The following COG5 variants were observed in gnomAD, a reference collection of about 807,000 sequenced individuals.
The protein encoded by COG5 is component of oligomeric golgi complex 5.
In COG5, 86 loss-of-function variants were observed where a neutral mutation model predicts 110.4. The ratio of observed to expected loss-of-function variants is 0.78; its 90% CI spans 0.65 to 0.93. The LOEUF (loss-of-function observed/expected upper bound fraction) is 0.93. Ranked by LOEUF, COG5 falls within the 40% of genes least tolerant of loss-of-function variation. The pLI, the probability that COG5 is intolerant of heterozygous loss-of-function variation, is 0.00. For synonymous variants in COG5, 360 were observed against 334.6 expected, an observed-to-expected ratio of 1.08 and a Z score of -0.83; for missense variants, 1,077 against 987.0, an observed-to-expected ratio of 1.09 and a Z score of -1.22.
chr7:107,206,361 T>C (rs1584519462), intron 21 of COG5, among the ~76,000 whole-genome samples: 1 of 152,346 alleles, frequency 6.6e-6, no homozygotes, highest in South Asian at 2.1e-4. Context: ...CAAGATGGAA[T>C]TTAGTGCTCT....
intron 6 of COG5, among the ~76,000 whole-genome samples, chr7:107,429,050 T>C (rs1308673093): frequency 1.3e-5 from 2 of 152,190 alleles, no homozygotes; most frequent in Admixed American, 6.5e-5. Context: ...TTGTCTGCTG[T>C]TTAAAAAAAG....
intron 1 of COG5, 134 bp downstream of exon 1, chr7:107,563,668 GC>G (rs1444903494): frequency 2.3e-4 from 219 of 960,146 alleles, no homozygotes; most frequent in South Asian, 2.7e-4. Flanking sequence ...AAGCCAGGGG[GC>G]CGGGCGGAGG....
chr7:107,459,243 G>A (rs1249331724), intron 6 of COG5, among the ~76,000 whole-genome samples: 1 of 151,952 alleles, frequency 6.6e-6, no homozygotes, highest in East Asian at 1.9e-4. Flanking sequence ...TAAAAGTGAA[G>A]GTTAAAAAAT....
intron 10 of COG5, among the ~76,000 whole-genome samples, chr7:107,339,947 T>C (rs774702735): frequency 2.6e-5 from 4 of 151,614 alleles, no homozygotes; most frequent in East Asian, 3.9e-4. Context: ...ACATCACACA[T>C]AGAGGAGCTA....
chr7:107,333,884 G>C (rs1675462292), intron 10 of COG5, among the ~76,000 whole-genome samples: 2 of 152,112 alleles, frequency 1.3e-5, no homozygotes, highest in Admixed American at 6.5e-5. Context: ...TACTTACCTA[G>C]AGATCACTGT....
chr7:107,468,898 C>G (rs993653363), intron 6 of COG5, among the ~76,000 whole-genome samples: 1 of 151,716 alleles, frequency 6.6e-6, no homozygotes, highest in African/African-American at 2.4e-5. Flanking sequence ...GTTTTATCTA[C>G]TTAAGTCTAA....
chr7:107,504,189 G>A (rs1196942792), intron 6 of COG5, among the ~76,000 whole-genome samples: 2 of 152,206 alleles, frequency 1.3e-5, no homozygotes, highest in South Asian at 4.1e-4. Context: ...CTAGTTTGTT[G>A]AGGGTTTTTT....
At chr7:107,533,002 T>C (rs1801320389) in intron 5 of COG5, among the ~76,000 whole-genome samples, 1 of 147,918 alleles carries the variant, frequency 6.8e-6, no homozygotes. Flanking sequence ...TTTGCTGTTC[T>C]GCAGCCTCCA....
intron 6 of COG5, among the ~76,000 whole-genome samples, chr7:107,510,770 T>G (rs1012265749): frequency 7.2e-5 from 11 of 152,176 alleles, no homozygotes; most frequent in African/African-American, 2.7e-4. Flanking sequence ...ACATGGAAAC[T>G]GAACAACCTG....
At chr7:107,533,664 T>C (rs916919627) in intron 5 of COG5, among the ~76,000 whole-genome samples, 4 of 151,516 alleles carry the variant, frequency 2.6e-5, no homozygotes, top group Admixed American at 6.6e-5. Flanking sequence ...TACAGGACTA[T>C]GTGAAAAGAC....
chr7:107,324,004 A>G (rs76264168), intron 11 of COG5, among the ~76,000 whole-genome samples: 1 of 152,296 alleles, frequency 6.6e-6, no homozygotes, highest in African/African-American at 2.4e-5. Context: ...CACGATGTAG[A>G]TATTTCACCT....
At chr7:107,348,592 CCT>C (rs1811848058) in intron 10 of COG5, among the ~76,000 whole-genome samples, 1 of 152,030 alleles carries the variant, frequency 6.6e-6, no homozygotes. Context: ...TTCTTATTGT[CCT>C]CTTATTTTCT....
intron 10 of COG5, among the ~76,000 whole-genome samples, chr7:107,347,297 T>C (rs986007526): frequency 6.6e-6 from 1 of 152,166 alleles, no homozygotes; most frequent in South Asian, 2.1e-4. Context: ...GTATGTGATA[T>C]ACAGGATTAA....
intron 11 of COG5, among the ~76,000 whole-genome samples, chr7:107,324,180 T>C (rs1273708627): frequency 1.3e-5 from 2 of 152,162 alleles, no homozygotes; most frequent in African/African-American, 4.8e-5. Context: ...TCTTCTGATG[T>C]CTGAATAATA....
intron 7 of COG5, among the ~76,000 whole-genome samples, chr7:107,394,861 C>T (rs1790875834): frequency 6.6e-6 from 1 of 152,184 alleles, no homozygotes; most frequent in Admixed American, 6.5e-5. Context: ...CTAACAATCA[C>T]ATTTTACTTT....
intron 5 of COG5, among the ~76,000 whole-genome samples, chr7:107,536,810 T>C (rs1801618230): frequency 6.6e-6 from 1 of 152,156 alleles, no homozygotes; most frequent in African/African-American, 2.4e-5. Flanking sequence ...GCCAAGGCAA[T>C]CCTAAGCAAA....
chr7:107,283,902 C>T (rs941084472), intron 12 of COG5, among the ~76,000 whole-genome samples, 170 bp from the exon 13 acceptor site: 4 of 151,634 alleles, frequency 2.6e-5, no homozygotes, highest in African/African-American at 9.7e-5. Context: ...CAATATATTT[C>T]ATAATTAAAC....
At chr7:107,321,810 A>G (rs1809317103) in intron 11 of COG5, among the ~76,000 whole-genome samples, 1 of 152,224 alleles carries the variant, frequency 6.6e-6, no homozygotes, top group Admixed American at 6.5e-5. Flanking sequence ...TGGATTAGGC[A>G]ATAATTTTTA....
intron 17 of COG5, among the ~76,000 whole-genome samples, chr7:107,241,554 G>A (rs941897547): frequency 3.3e-5 from 5 of 151,652 alleles, no homozygotes; most frequent in South Asian, 2.1e-4. Context: ...CGGGGTTCAC[G>A]CCTTCTCCCG....
Sources: allele counts gnomAD v4.1 joint callset (sites outside exome capture counted in the v4.1 genomes callset), GRCh38; gene constraint gnomAD v4.1.1; transcripts MANE v1.5; gene names NCBI Gene and HGNC (gene_info 2026-07-23, HGNC 2026-07-21).